The following POU5F2 variants were observed in gnomAD, a reference collection of about 807,000 sequenced individuals.
POU5F2 encodes POU domain, class 5, transcription factor 2.
For synonymous variants in POU5F2, 191 were observed against 178.7 expected (o/e 1.07, Z -0.55); for missense variants, 401 against 426.6 (o/e 0.94, Z 0.53).
In POU5F2 at chr5:93,739,632, A is replaced by G. The variant is rs1489963446; in HGVS notation, c.*945T>C. ...TATGGTGACCAAAATTGACCAAAGTAGAAGTGGAAAACTGAAAAGACCAAT... is the reference window on the plus strand; with the variant it reads ...TATGGTGACCAAAATTGACCAAAGTGGAAGTGGAAAACTGAAAAGACCAAT... On this transcript the variant is annotated 3_prime_UTR_variant, in exon 1 of 1. Transcript: ENST00000606183. The G allele has an allele frequency of 1.3e-5, 2 of 152,220 alleles. No homozygotes were observed. Among genetic ancestry groups the G allele is most frequent in the Non-Finnish European group, 2.9e-5 (2 of 68,042 alleles). The allele number at this position is 152,220 out of a possible 1,614,324, so 9.4% of individuals were successfully genotyped here.
At position 93,735,628 on chromosome 5, in the gene POU5F2, G is replaced by T. The variant is rs1422092005; in HGVS notation, c.*4949C>A. ...TTCCAGAAGGGCTGTCTAGGAAAAG[G>T]AGGAAATGGAGTTGGTGCTGTGTGA... On this transcript the variant is annotated 3_prime_UTR_variant, in exon 1 of 1. Coordinates refer to ENST00000606183, the MANE Select transcript of POU5F2 (RefSeq NM_153216.2). 6.6e-6 allele frequency: 1 copy of T among 152,230 alleles called. No individual in the cohort carries two copies. Among genetic ancestry groups the T allele is most frequent in the Non-Finnish European group, 1.5e-5 (1 of 68,074 alleles). The allele number at this position is 152,230 out of a possible 1,614,324, so 9.4% of individuals were successfully genotyped here. A position where few individuals can be genotyped will look rare whatever the true frequency, so the allele number is the denominator to read the frequency against.
rs1746770490 is a variant in POU5F2 at position 93,734,388 on chromosome 5, A to C, written c.*6189T>G. 1 of 152,180 alleles carries C rather than the reference A, an allele frequency of 6.6e-6. No homozygotes were observed. The highest frequency in any genetic ancestry group is 2.4e-5 in the African/African-American group (1 of 41,442). The allele number at this position is 152,180 out of a possible 1,614,324, so 9.4% of individuals were successfully genotyped here. Reference sequence around the variant, plus strand: ...AAGAAATCATTTGAAAAAGTGGCAAAAGGGAAGGTGCTTCTTAAATTCTGA... The same window carrying C: ...AAGAAATCATTTGAAAAAGTGGCAACAGGGAAGGTGCTTCTTAAATTCTGA... On this transcript the variant is annotated 3_prime_UTR_variant, in exon 1 of 1. Transcript: ENST00000606183.
In POU5F2 at chr5:93,736,937, C is replaced by T. The variant is rs1747339280; in HGVS notation, c.*3640G>A. On this transcript the variant is annotated 3_prime_UTR_variant, in exon 1 of 1. Transcript: ENST00000606183. ...TCTGCTACTTTTATACAACACAGTA[C>T]TACACATTTTTGCCAGAGCAAGTGA... is the stretch of plus-strand genomic sequence containing the variant. The T allele has an allele frequency of 6.6e-6, 1 of 152,116 alleles. No individual in the cohort carries two copies. Among genetic ancestry groups the T allele is most frequent in the South Asian group, 2.1e-4 (1 of 4,830 alleles). The allele number at this position is 152,116 out of a possible 1,614,324, so 9.4% of individuals were successfully genotyped here. A position where few individuals can be genotyped will look rare whatever the true frequency, so the allele number is the denominator to read the frequency against.
In POU5F2 at chr5:93,740,396, T is replaced by C; in HGVS notation, c.*181A>G. ...CACAAAACTGCAATAAACTTCATCTTCTCTCCCAGGTTTTTCTTGAACAAT... is the reference window on the plus strand; with the variant it reads ...CACAAAACTGCAATAAACTTCATCTCCTCTCCCAGGTTTTTCTTGAACAAT... On this transcript the variant is annotated 3_prime_UTR_variant, in exon 1 of 1. Coordinates refer to ENST00000606183, the MANE Select transcript of POU5F2 (RefSeq NM_153216.2). The C allele has an allele frequency of 3.2e-6, 2 of 626,146 alleles. No homozygotes were observed. The highest frequency in any genetic ancestry group is 5.9e-5 in the South Asian group (2 of 34,070). The allele number at this position is 626,146 out of a possible 1,614,324, so 38.8% of individuals were successfully genotyped here.
In POU5F2 at chr5:93,737,967, A is replaced by T; in HGVS notation, c.*2610T>A. The T allele has an allele frequency of 2.3e-6, 1 of 434,816 alleles. No homozygotes were observed. Among genetic ancestry groups the T allele is most frequent in the Non-Finnish European group, 4.5e-6 (1 of 221,114 alleles). The allele number at this position is 434,816 out of a possible 1,614,324, so 26.9% of individuals were successfully genotyped here. A position where few individuals can be genotyped will look rare whatever the true frequency, so the allele number is the denominator to read the frequency against. Reference sequence around the variant, plus strand: ...TAAGCAACAAAAGAAAAAATGGATAAGCTGGACTTAATAAAAATTAAAGTC... The same window carrying T: ...TAAGCAACAAAAGAAAAAATGGATATGCTGGACTTAATAAAAATTAAAGTC... On this transcript the variant is annotated 3_prime_UTR_variant, in exon 1 of 1. Coordinates refer to ENST00000606183, the MANE Select transcript of POU5F2 (RefSeq NM_153216.2).
rs759543881 is a variant in POU5F2 at position 93,740,551 on chromosome 5, T to C, written c.*26A>G. ...TCCCTTCTTCTCCCCTCTCCAACCG[T>C]GCCGTGAAGGGCAAGCCCCTCAGCC... On this transcript the variant is annotated 3_prime_UTR_variant, in exon 1 of 1. Coordinates refer to ENST00000606183, the MANE Select transcript of POU5F2 (RefSeq NM_153216.2). 1.9e-6 allele frequency: 3 copies of C among 1,565,214 alleles called. No individual in the cohort carries two copies. The highest frequency in any genetic ancestry group is 1.4e-5 in the African/African-American group (1 of 73,776).
In POU5F2 at chr5:93,740,770, C is replaced by T. The variant is rs1235893524; in HGVS notation, c.794G>A (p.Gly265Asp). The change falls in exon 1 of 1, where the codon GGC becomes GAC. Residue 265 changes from glycine to aspartate, a missense_variant. Gly to Asp is a moderately conservative substitution (Grantham distance 94). Coordinates refer to ENST00000606183, the MANE Select transcript of POU5F2 (RefSeq NM_153216.2). ...RVWFYNRSKM[G>D]SRPTNDASPR... The stretch of plus-strand genomic sequence containing the variant: ...GGAAGCATCATTGGTTGGTCGACTG[C>T]CCATCTTGCTGCGGTTATAGAACCA... The T allele has an allele frequency of 6.2e-7, 1 of 1,612,246 alleles. No homozygotes were observed. The highest frequency in any genetic ancestry group is 1.1e-5 in the South Asian group (1 of 90,816).
At position 93,738,593 on chromosome 5, in the gene POU5F2, G is replaced by GTA. The variant is rs1217655052; in HGVS notation, c.*1982_*1983dup. On this transcript the variant is annotated 3_prime_UTR_variant, in exon 1 of 1. Coordinates refer to ENST00000606183, the MANE Select transcript of POU5F2 (RefSeq NM_153216.2). ...CAGAGGAATGGATAAACAAAATGTG[G>GTA]TATATATCCATACAATGGAATATTA... is the stretch of plus-strand genomic sequence containing the variant. 1 of 152,150 alleles carries GTA rather than the reference G, an allele frequency of 6.6e-6. No homozygotes were observed. The highest frequency in any genetic ancestry group is 1.5e-5 in the Non-Finnish European group (1 of 68,024). 9.4% of individuals were successfully genotyped at this position (152,150 alleles called of 1,614,324 possible).
chr5:93,740,645 G>GT, the POU5F2 span: 6 of 1,613,748 alleles, frequency 3.7e-6, no homozygotes, highest in Middle Eastern at 1.6e-4. Context: ...GAGTAGAGAC[G>GT]TGTATAGTGG....
Position 93,741,294 on chromosome 5 carries a change from G to T in POU5F2, c.270C>A (p.Asp90Glu). ...CGCCTTCGGAGGGGCGTCGCAACCAGTCCCCTGCCTCACTAGCTCCAAGAC... is the reference window on the plus strand; with the variant it reads ...CGCCTTCGGAGGGGCGTCGCAACCATTCCCCTGCCTCACTAGCTCCAAGAC... ...RPRLGASEAGDWLRRPSEGAL... is the reference protein window; with the variant it reads ...RPRLGASEAGEWLRRPSEGAL... Residue 90 changes from aspartate to glutamate, a missense_variant, in exon 1 of 1, where the codon GAC (aspartate) becomes GAA (glutamate). Coordinates refer to ENST00000606183, the MANE Select transcript of POU5F2 (RefSeq NM_153216.2). 1 of 1,613,688 alleles carries T rather than the reference G, an allele frequency of 6.2e-7. No individual in the cohort carries two copies. The highest frequency in any genetic ancestry group is 8.5e-7 in the Non-Finnish European group (1 of 1,179,778).
Position 93,740,388 on chromosome 5 carries a change from C to T in POU5F2, c.*189G>A, listed in dbSNP as rs1748130718. The stretch of plus-strand genomic sequence containing the variant: ...AGGGAAAACACAAAACTGCAATAAA[C>T]TTCATCTTCTCTCCCAGGTTTTTCT... On this transcript the variant is annotated 3_prime_UTR_variant, in exon 1 of 1. Transcript: ENST00000606183. 1 of 575,384 alleles carries T rather than the reference C, an allele frequency of 1.7e-6. No individual in the cohort carries two copies. The highest frequency in any genetic ancestry group is 3.4e-5 in the Admixed American group (1 of 29,478). 35.6% of individuals were successfully genotyped at this position (575,384 alleles called of 1,614,324 possible).
rs1561421130 is a variant in POU5F2 at position 93,734,477 on chromosome 5, T to A, written c.*6100A>T. 6.6e-6 allele frequency: 1 copy of A among 152,196 alleles called. No individual in the cohort carries two copies. Among genetic ancestry groups the A allele is most frequent in the African/African-American group, 2.4e-5 (1 of 41,436 alleles). The allele number at this position is 152,196 out of a possible 1,614,324, so 9.4% of individuals were successfully genotyped here. Reference sequence around the variant, plus strand: ...TATGTGATGAAGGCTATGAACCATCTTTAAAGAAAATGCACATATGTACAA... The same window carrying A: ...TATGTGATGAAGGCTATGAACCATCATTAAAGAAAATGCACATATGTACAA... On this transcript the variant is annotated 3_prime_UTR_variant, in exon 1 of 1. Coordinates refer to ENST00000606183, the MANE Select transcript of POU5F2 (RefSeq NM_153216.2).
In POU5F2 at chr5:93,737,186, A is replaced by T. The variant is rs1278556604; in HGVS notation, c.*3391T>A. ...AAAAGGAAATGAAGGAAACTATTCC[A>T]TTTACAGTAGTATCCAAAAGAATAA... On this transcript the variant is annotated 3_prime_UTR_variant, in exon 1 of 1. Coordinates refer to ENST00000606183, the MANE Select transcript of POU5F2 (RefSeq NM_153216.2). 6.6e-6 allele frequency: 1 copy of T among 152,074 alleles called. No homozygotes were observed. Among genetic ancestry groups the T allele is most frequent in the South Asian group, 2.1e-4 (1 of 4,830 alleles). 9.4% of individuals were successfully genotyped at this position (152,074 alleles called of 1,614,324 possible).
At position 93,736,833 on chromosome 5, in the gene POU5F2, C is replaced by T. The variant is rs765993363; in HGVS notation, c.*3744G>A. 6.6e-6 allele frequency: 1 copy of T among 152,010 alleles called. No homozygotes were observed. The highest frequency in any genetic ancestry group is 1.5e-5 in the Non-Finnish European group (1 of 67,992). 9.4% of individuals were successfully genotyped at this position (152,010 alleles called of 1,614,324 possible). A position where few individuals can be genotyped will look rare whatever the true frequency, so the allele number is the denominator to read the frequency against. On this transcript the variant is annotated 3_prime_UTR_variant, in exon 1 of 1. Coordinates refer to ENST00000606183, the MANE Select transcript of POU5F2 (RefSeq NM_153216.2). ...ACATGTAGAGTACGTATGAAAAAGC[C>T]AGAGCTAATGTCATACTCAATGGTG... is the stretch of plus-strand genomic sequence containing the variant.
chr5:93,740,456 T>A lies in POU5F2; in HGVS notation c.*121A>T. On this transcript the variant is annotated 3_prime_UTR_variant, in exon 1 of 1. Transcript: ENST00000606183. ...CATTCCCTACTATGTATCCTTAACT[T>A]CTTTAGACAGTGAATGAGAAATTAA... 4.4e-6 allele frequency: 5 copies of A among 1,128,734 alleles called. No individual in the cohort carries two copies. Among genetic ancestry groups the A allele is most frequent in the Non-Finnish European group, 6.3e-6 (5 of 794,956 alleles). The allele number at this position is 1,128,734 out of a possible 1,614,324, so 69.9% of individuals were successfully genotyped here.
rs1746679075 is a variant in POU5F2, at chr5:93,733,986, A to G, written c.*6591T>C. On this transcript the variant is annotated 3_prime_UTR_variant, in exon 1 of 1. Coordinates refer to ENST00000606183, the MANE Select transcript of POU5F2 (RefSeq NM_153216.2). ...TCTGAAAAACAAATCCCCATGAGAC[A>G]GACTTGGTATAATAAACAAGGATAT... 1 of 152,242 alleles carries G rather than the reference A, an allele frequency of 6.6e-6. No homozygotes were observed. Among genetic ancestry groups the G allele is most frequent in the Admixed American group, 6.5e-5 (1 of 15,290 alleles). The allele number at this position is 152,242 out of a possible 1,614,324, so 9.4% of individuals were successfully genotyped here.
At position 93,741,306 on chromosome 5, in the gene POU5F2, A is replaced by G; in HGVS notation, c.258T>C (p.Ser86=). ...GGCGTCGCAACCAGTCCCCTGCCTC[A>G]CTAGCTCCAAGACGGGGCCTGCAGG... ...IAPCRPRLGA[S]EAGDWLRRPS... Residue 86 remains serine (S), a synonymous_variant, in exon 1 of 1, where the codon AGT becomes AGC. Coordinates refer to ENST00000606183, the MANE Select transcript of POU5F2 (RefSeq NM_153216.2). 1.9e-6 allele frequency: 3 copies of G among 1,613,542 alleles called. No homozygotes were observed. The highest frequency in any genetic ancestry group is 1.1e-5 in the South Asian group (1 of 91,030).
rs2149613047 is a variant in POU5F2, at chr5:93,741,213, C to T, written c.351G>A (p.Glu117=). ...LRSIPKLPPP[E]DISGILKELQ... ...ACTCTTTCAGTATGCCCGAGATGTC[C>T]TCTGGCGGCGGCAACTTCGGAATGC... The change falls in exon 1 of 1, where the codon GAG becomes GAA. Residue 117 remains glutamate, a synonymous_variant. Coordinates refer to ENST00000606183, the MANE Select transcript of POU5F2 (RefSeq NM_153216.2). The T allele has an allele frequency of 6.2e-7, 1 of 1,613,888 alleles. No homozygotes were observed. Among genetic ancestry groups the T allele is most frequent in the Non-Finnish European group, 8.5e-7 (1 of 1,179,884 alleles).
rs1222963651 is a variant in POU5F2 at position 93,734,166 on chromosome 5, A to G, written c.*6411T>C. 1 of 152,226 alleles carries G rather than the reference A, an allele frequency of 6.6e-6. No individual in the cohort carries two copies. The highest frequency in any genetic ancestry group is 1.5e-5 in the Non-Finnish European group (1 of 68,034). 9.4% of individuals were successfully genotyped at this position (152,226 alleles called of 1,614,324 possible). On this transcript the variant is annotated 3_prime_UTR_variant, in exon 1 of 1. Coordinates refer to ENST00000606183, the MANE Select transcript of POU5F2 (RefSeq NM_153216.2). ...AAAAAGAGAAATTGTTCCTTATGAT[A>G]AGATTTTAATTAAAGTGCCAAGGAT...
Sources: gnomAD v4.1 joint callset for allele counts on GRCh38, gnomAD v4.1.1 for gene constraint, MANE v1.5 for transcripts, NCBI Gene and HGNC (gene_info 2026-07-23, HGNC 2026-07-21) for gene names.